The following WDR70 variants were observed in gnomAD, a reference collection of about 807,000 sequenced individuals.
WDR70 encodes WD repeat domain 70, also known as WD repeat-containing protein 70.
In WDR70, 53 loss-of-function variants were observed where a neutral mutation model predicts 88.6. That is an observed-to-expected ratio of 0.60 (90% CI 0.48 to 0.75). The LOEUF is 0.75. Among genes scored for constraint, WDR70 ranks in the 30% least tolerant of loss-of-function variants. WDR70 has a pLI of 0.00. For missense variants in WDR70, 610 were observed against 823.2 expected (o/e 0.74, Z 3.17); for synonymous variants, 280 against 270.0 (o/e 1.04, Z -0.36).
intron 9 of WDR70, among the ~76,000 whole-genome samples, chr5:37,533,367 G>GT (rs1741556245): frequency 6.6e-6 from 1 of 151,982 alleles, no homozygotes; most frequent in South Asian, 2.1e-4. Flanking sequence ...CGAGATGGGC[G>GT]TATCACTTGA....
intron 17 of WDR70, among the ~76,000 whole-genome samples, chr5:37,728,907 A>G (rs2112709922): frequency 6.6e-6 from 1 of 152,134 alleles, no homozygotes; most frequent in Middle Eastern, 3.4e-3. Flanking sequence ...TTCTGTGTTT[A>G]TTAATTGGAA....
chr5:37,742,701 CTT>C (rs1748520155), intron 17 of WDR70, among the ~76,000 whole-genome samples: 1 of 152,116 alleles, frequency 6.6e-6, no homozygotes, highest in African/African-American at 2.4e-5. Context: ...AGTTTTATCT[CTT>C]ATGGTTAGGT....
chr5:37,468,209 T>C (rs1412758860), intron 7 of WDR70, among the ~76,000 whole-genome samples: 3 of 152,216 alleles, frequency 2.0e-5, no homozygotes, highest in Non-Finnish European at 4.4e-5. Context: ...AATAGGCTGA[T>C]ATATTGCACT....
chr5:37,733,021 A>G (rs145472669), intron 17 of WDR70, among the ~76,000 whole-genome samples: 40 of 152,130 alleles, frequency 2.6e-4, no homozygotes, highest in Non-Finnish European at 4.3e-4. Flanking sequence ...TTGTTATATT[A>G]ATTACTACAA....
At chr5:37,644,827 T>G (rs1489998480) in intron 10 of WDR70, among the ~76,000 whole-genome samples, 1 of 151,982 alleles carries the variant, frequency 6.6e-6, no homozygotes, top group Non-Finnish European at 1.5e-5. Context: ...TAGCTCCTTT[T>G]TTATTTCTAA....
At chr5:37,651,016 G>A (rs1745394238) in intron 10 of WDR70, among the ~76,000 whole-genome samples, 1 of 150,724 alleles carries the variant, frequency 6.6e-6, no homozygotes, top group East Asian at 1.9e-4. Flanking sequence ...AGAATGTGCA[G>A]GTTTGTTACA....
intron 9 of WDR70, among the ~76,000 whole-genome samples, chr5:37,553,234 G>C (rs1296465951): frequency 6.6e-6 from 1 of 152,144 alleles, no homozygotes; most frequent in Non-Finnish European, 1.5e-5. Context: ...AATCTTCAAG[G>C]CATTGGTTGA....
At chr5:37,630,096 A>T (rs1324085434) in intron 10 of WDR70, among the ~76,000 whole-genome samples, 2 of 152,332 alleles carry the variant, frequency 1.3e-5, no homozygotes, top group Non-Finnish European at 1.5e-5. Context: ...TTGTGGTGAC[A>T]GTAGTGCAGC....
At chr5:37,477,615 A>G (rs1433367709) in intron 7 of WDR70, among the ~76,000 whole-genome samples, 1 of 152,204 alleles carries the variant, frequency 6.6e-6, no homozygotes, top group Non-Finnish European at 1.5e-5. Flanking sequence ...TAACAGTCAC[A>G]GCCAAACTGG....
intron 8 of WDR70, among the ~76,000 whole-genome samples, chr5:37,494,381 A>G (rs1740155301): frequency 6.6e-6 from 1 of 152,220 alleles, no homozygotes; most frequent in Admixed American, 6.5e-5. Context: ...TGTAGAAACA[A>G]TCATTCTGCG....
intron 9 of WDR70, among the ~76,000 whole-genome samples, chr5:37,538,328 C>T (rs1232135867): frequency 6.6e-6 from 1 of 152,192 alleles, no homozygotes; most frequent in Non-Finnish European, 1.5e-5. Context: ...TTCATCTCAA[C>T]ACCTCTTGTA....
intron 9 of WDR70, among the ~76,000 whole-genome samples, chr5:37,590,637 A>G (rs1363119472): frequency 6.6e-6 from 1 of 152,224 alleles, no homozygotes; most frequent in Non-Finnish European, 1.5e-5. Flanking sequence ...GAGAAGACAC[A>G]AAGGGGGAAG....
chr5:37,657,420 G>C (rs1463455550), intron 10 of WDR70, among the ~76,000 whole-genome samples: 1 of 152,152 alleles, frequency 6.6e-6, no homozygotes, highest in African/African-American at 2.4e-5. Context: ...CTGCAGACCT[G>C]AGCTATTCCT....
chr5:37,486,344 T>A (rs71619869), intron 8 of WDR70, among the ~76,000 whole-genome samples: 14 of 104,788 alleles, frequency 1.3e-4, no homozygotes, highest in African/African-American at 4.0e-4. Flanking sequence ...AATTCAAATA[T>A]AATTTTTTTT....
chr5:37,709,617 G>C (rs1297152084), intron 13 of WDR70, among the ~76,000 whole-genome samples: 1 of 144,544 alleles, frequency 6.9e-6, no homozygotes, highest in Non-Finnish European at 1.5e-5. Flanking sequence ...GCCAGTACAT[G>C]TTTCTTTCTC....
At chr5:37,656,989 T>C (rs12332422) in intron 10 of WDR70, among the ~76,000 whole-genome samples, 17,320 of 152,126 alleles carry the variant, frequency 0.11, 3,159 homozygotes, top group African/African-American at 0.39. Flanking sequence ...TCAGCCCCCT[T>C]TCCCAGGGAG....
chr5:37,497,453 T>TCCG (rs1267564412), intron 8 of WDR70, among the ~76,000 whole-genome samples: 1 of 113,572 alleles, frequency 8.8e-6, no homozygotes, highest in Admixed American at 1.0e-4. Flanking sequence ...CGTCTTCCCT[T>TCCG]TCCTTCCGTC....
intron 10 of WDR70, among the ~76,000 whole-genome samples, chr5:37,640,182 T>A (rs1420398812): frequency 6.6e-6 from 1 of 152,146 alleles, no homozygotes; most frequent in Non-Finnish European, 1.5e-5. Context: ...TTACAGAGAA[T>A]TACCATGAAA....
intron 8 of WDR70, chr5:37,506,822 G>T: frequency 7.6e-7 from 1 of 1,312,716 alleles, no homozygotes; most frequent in Non-Finnish European, 1.1e-6. Context: ...TTCCGTTCTT[G>T]GGGGCTGCTG....
Sources: allele counts gnomAD v4.1 joint callset (sites outside exome capture counted in the v4.1 genomes callset), GRCh38; gene constraint gnomAD v4.1.1; transcripts MANE v1.5; gene names NCBI Gene and HGNC (gene_info 2026-07-23, HGNC 2026-07-21).